The following MAST4 variants were observed in gnomAD, a reference collection of about 807,000 sequenced individuals.
The protein encoded by MAST4 is microtubule-associated serine/threonine-protein kinase 4.
Under a neutral mutation model 162.7 loss-of-function variants are expected in MAST4, and 89 were observed. That is an observed-to-expected ratio of 0.55 (90% CI 0.46 to 0.65). The LOEUF is 0.65. Ranked by LOEUF, MAST4 falls within the 30% of genes least tolerant of loss-of-function variation. The pLI, the probability that MAST4 is intolerant of heterozygous loss-of-function variation, is 0.00. For missense variants in MAST4, 3,153 were observed against 3,374.0 expected, an observed-to-expected ratio of 0.93 and a Z score of 1.62; for synonymous variants, 1,479 against 1,361.1, an observed-to-expected ratio of 1.09 and a Z score of -1.91.
chr5:66,812,960 G>A (rs1013173781), intron 3 of MAST4, among the ~76,000 whole-genome samples: 3 of 152,162 alleles, frequency 2.0e-5, no homozygotes, highest in Admixed American at 2.0e-4. Flanking sequence ...CTCAGTTTGC[G>A]CATCATTAAA....
intron 4 of MAST4, among the ~76,000 whole-genome samples, chr5:66,943,419 T>C (rs1274968505): frequency 1.3e-5 from 2 of 152,142 alleles, no homozygotes; most frequent in African/African-American, 4.8e-5. Flanking sequence ...TATTTAAAGG[T>C]GCTTCCCCAT....
rs1350671358 is a variant in MAST4 at position 66,632,417 on chromosome 5, A to G, written c.363+35399A>G. Among the ~76,000 whole-genome samples, 2 of 152,116 alleles carry G rather than the reference A, an allele frequency of 1.3e-5. 1 individual carries two copies. Among genetic ancestry groups the G allele is most frequent in the African/African-American group, 4.8e-5 (2 of 41,420 alleles). On this transcript the variant is annotated intron_variant, in intron 1 of 28. Coordinates refer to ENST00000403625, the MANE Select transcript of MAST4 (RefSeq NM_001164664.2). ...GAGAAGTTATTAATAGAAATTGAGT[A>G]GGGGCTTTGGAGAAGTCATCTGGGC...
intron 3 of MAST4, among the ~76,000 whole-genome samples, chr5:66,888,750 A>G (rs1420718403): frequency 6.6e-6 from 1 of 152,238 alleles, no homozygotes; most frequent in Non-Finnish European, 1.5e-5. Flanking sequence ...TGTGAGAGAC[A>G]CAATTCTTAA....
At chr5:66,756,708 G>T (rs1009536232) in intron 1 of MAST4, among the ~76,000 whole-genome samples, 1 of 152,198 alleles carries the variant, frequency 6.6e-6, no homozygotes, top group Admixed American at 6.5e-5. Flanking sequence ...GTTTTGAGAA[G>T]CTTTGACTAA....
At position 66,596,643 on chromosome 5, in the gene MAST4, G is replaced by A. The variant is rs756014405; in HGVS notation, c.-13G>A. 101 of 1,440,146 alleles carry A rather than the reference G, an allele frequency of 7.0e-5. No individual in the cohort carries two copies. Among genetic ancestry groups the A allele is most frequent in the Middle Eastern group, 1.9e-4 (1 of 5,276 alleles). The allele number at this position is 1,440,146 out of a possible 1,614,324, so 89.2% of individuals were successfully genotyped here. On this transcript the variant is annotated 5_prime_UTR_variant, in exon 1 of 29. Transcript: ENST00000403625. ...CCCCGCCGCTCGGGAGGCACTTTGG[G>A]CCAGACAGGGAAATGGGGGAGAAAG...
At chr5:66,767,971 C>T (rs1289955871) in intron 2 of MAST4, among the ~76,000 whole-genome samples, 1 of 152,200 alleles carries the variant, frequency 6.6e-6, no homozygotes, top group Middle Eastern at 3.2e-3. Context: ...ACACATCCAG[C>T]ATCCACACTT....
At chr5:66,818,641 G>T (rs758417533) in intron 3 of MAST4, among the ~76,000 whole-genome samples, 5 of 152,118 alleles carry the variant, frequency 3.3e-5, no homozygotes, top group Admixed American at 2.6e-4. Flanking sequence ...GTGTGGGTAC[G>T]TGCACATTTG....
At chr5:66,633,386 G>A (rs1580053929) in intron 1 of MAST4, among the ~76,000 whole-genome samples, 1 of 152,194 alleles carries the variant, frequency 6.6e-6, no homozygotes, top group East Asian at 1.9e-4. Context: ...CATCGGGTGT[G>A]TTACAGGGTG....
intron 1 of MAST4, among the ~76,000 whole-genome samples, chr5:66,648,075 T>A (rs947001374): frequency 1.3e-3 from 120 of 95,402 alleles, no homozygotes; most frequent in African/African-American, 5.4e-3. Context: ...TGTGTGTGTG[T>A]GTGTGTGTGA....
rs183292803 is a variant in MAST4 at position 66,807,567 on chromosome 5, T to G, written c.642+18773T>G. Among the ~76,000 whole-genome samples, 931 of 152,292 alleles carry G rather than the reference T, an allele frequency of 6.1e-3. 3 individuals are homozygous for G. The highest frequency in any genetic ancestry group is 0.01 in the Middle Eastern group (3 of 294). ...GTAGTCACCCTGTTGTGCTTTCATA[T>G]AGTAGGTCTTATTCATTCTTTCTAT... is the stretch of plus-strand genomic sequence containing the variant. On this transcript the variant is annotated intron_variant, in intron 3 of 28. Coordinates refer to ENST00000403625, the MANE Select transcript of MAST4 (RefSeq NM_001164664.2).
intron 1 of MAST4, among the ~76,000 whole-genome samples, chr5:66,733,292 TCTCCGTTTCCCCTCC>T (rs1751968131): frequency 6.6e-6 from 1 of 151,962 alleles, no homozygotes; most frequent in African/African-American, 2.4e-5. Flanking sequence ...CCTCTAACTT[TCTCCGTTTCCCCTCC>T]CTCTTCCCCC....
chr5:66,984,622 A>G (rs570293586), intron 4 of MAST4, among the ~76,000 whole-genome samples: 1 of 152,286 alleles, frequency 6.6e-6, no homozygotes, highest in Admixed American at 6.5e-5. Context: ...ATAGAGCTCA[A>G]AAAGTAACTT....
intron 4 of MAST4, among the ~76,000 whole-genome samples, chr5:66,902,151 T>G (rs1194453426): frequency 6.6e-6 from 1 of 152,218 alleles, no homozygotes; most frequent in Non-Finnish European, 1.5e-5. Context: ...GCTGTTCTTT[T>G]CAGTCTTTTT....
intron 1 of MAST4, among the ~76,000 whole-genome samples, chr5:66,724,816 A>T (rs1479850692): frequency 6.6e-6 from 1 of 151,980 alleles, no homozygotes; most frequent in Admixed American, 6.6e-5. Flanking sequence ...ATTATAATAT[A>T]TGTGGGCTGT....
intron 4 of MAST4, among the ~76,000 whole-genome samples, chr5:66,931,548 G>C (rs1742190894): frequency 6.6e-6 from 1 of 152,160 alleles, no homozygotes; most frequent in Non-Finnish European, 1.5e-5. Context: ...TATTTCTAAT[G>C]AAGTTATTAT....
intron 3 of MAST4, among the ~76,000 whole-genome samples, chr5:66,880,415 T>G: frequency 6.6e-6 from 1 of 152,208 alleles, no homozygotes; most frequent in East Asian, 1.9e-4. Flanking sequence ...CTTTATAGAC[T>G]GTGGTAATAT....
Position 67,166,449 on chromosome 5 carries a change from C to T in MAST4, c.7270C>T (p.Pro2424Ser), listed in dbSNP as rs774462420. Residue 2424 changes from proline (P) to serine (S), a missense_variant, in exon 29 of 29, where the codon CCC (proline) becomes TCC (serine). This residue lies in a region of MAST4 where 1,644 missense variants were observed against 1,495.0 expected (regional missense o/e 1.10). Coordinates refer to ENST00000403625, the MANE Select transcript of MAST4 (RefSeq NM_001164664.2). The stretch of plus-strand genomic sequence containing the variant: ...TGAGGCCAGAGGGAAAGGGCCCGGT[C>T]CCCAGAAGCCACCGACGGAGGCAGA... ...FPEARGKGPG[P>S]QKPPTEADKP... 1.7e-5 allele frequency: 28 copies of T among 1,601,748 alleles called. No individual in the cohort carries two copies. In the South Asian group the frequency reaches 2.9e-4, roughly 17 times the overall value.
intron 4 of MAST4, among the ~76,000 whole-genome samples, chr5:66,977,317 C>T (rs1748270991): frequency 6.7e-6 from 1 of 149,112 alleles, no homozygotes; most frequent in Non-Finnish European, 1.5e-5. Context: ...TCAGGCAGGT[C>T]TCTTAACTCC....
chr5:66,758,246 TAC>T (rs937005532), intron 1 of MAST4, among the ~76,000 whole-genome samples: 1 of 151,976 alleles, frequency 6.6e-6, no homozygotes, highest in African/African-American at 2.4e-5. Flanking sequence ...TACTAATGAA[TAC>T]AGTTATGCTT....
Sources: allele counts gnomAD v4.1 joint callset (sites outside exome capture counted in the v4.1 genomes callset), GRCh38; gene constraint gnomAD v4.1.1; regional missense constraint gnomAD v4.1.1; transcripts MANE v1.5; gene names NCBI Gene and HGNC (gene_info 2026-07-23, HGNC 2026-07-21).